Variants in LPCAT1 observed in about 807,000 individuals in gnomAD.
The protein encoded by LPCAT1 is lysophosphatidylcholine acyltransferase 1.
In LPCAT1, 23 loss-of-function variants were observed where a neutral mutation model predicts 60.9. The observed-to-expected ratio is 0.38, with a 90% CI of 0.27 to 0.53. The LOEUF (loss-of-function observed/expected upper bound fraction) is 0.53, where lower values mean the gene tolerates loss of function less well. Among genes scored for constraint, LPCAT1 ranks in the 20% least tolerant of loss-of-function variants. The pLI, the probability that LPCAT1 is intolerant of heterozygous loss-of-function variation, is 0.82. For synonymous variants in LPCAT1, 340 were observed against 301.1 expected (o/e 1.13, Z -1.34); for missense variants, 622 against 723.6 (o/e 0.86, Z 1.61).
At chr5:1,472,915 G>C (rs1040446760) in intron 11 of LPCAT1, among the ~76,000 whole-genome samples, 7 of 152,144 alleles carry the variant, frequency 4.6e-5, no homozygotes, top group Admixed American at 3.3e-4. Context: ...CCTGAGCCAC[G>C]CACTGTGATC....
intron 1 of LPCAT1, among the ~76,000 whole-genome samples, chr5:1,519,454 C>T (rs913364948): frequency 1.3e-5 from 2 of 152,188 alleles, no homozygotes; most frequent in Non-Finnish European, 2.9e-5. Flanking sequence ...CAAAGTTAAC[C>T]ACAACTAAGT....
At position 1,487,380 on chromosome 5, in the gene LPCAT1, G is replaced by A. The variant is rs138213150; in HGVS notation, c.667+1011C>T. On this transcript the variant is annotated intron_variant, in intron 5 of 13. Coordinates refer to ENST00000283415, the MANE Select transcript of LPCAT1 (RefSeq NM_024830.5). This position sits in a 1 kb window ranked among gnomAD's most constrained non-coding sequence, Gnocchi z 6.1. ...CCACGCGTGGTGAAGACAATGGAACGGGAAGACCCAGTACCTTCCAGTGAG... is the reference window on the plus strand; with the variant it reads ...CCACGCGTGGTGAAGACAATGGAACAGGAAGACCCAGTACCTTCCAGTGAG... Among the ~76,000 whole-genome samples the A allele has an allele frequency of 2.0e-5, 3 of 152,170 alleles. No individual in the cohort carries two copies. The highest frequency in any genetic ancestry group is 7.2e-5 in the African/African-American group (3 of 41,432).
intron 2 of LPCAT1, among the ~76,000 whole-genome samples, chr5:1,500,325 G>A (rs1277782453): frequency 6.6e-6 from 1 of 152,212 alleles, no homozygotes; most frequent in Non-Finnish European, 1.5e-5. Context: ...ATTTGCTAAT[G>A]GCAGATACTT....
At chr5:1,468,948 C>T (rs1371253912) in intron 12 of LPCAT1, among the ~76,000 whole-genome samples, 1 of 152,212 alleles carries the variant, frequency 6.6e-6, no homozygotes, top group Non-Finnish European at 1.5e-5. Context: ...GCCAGGCTCC[C>T]AGAGCAGCAG....
chr5:1,488,504 T>C, intron 4 of LPCAT1, 53 bp from the exon 5 acceptor site: 1 of 1,249,052 alleles, frequency 8.0e-7, no homozygotes, highest in African/African-American at 1.5e-5. Flanking sequence ...TAATTATAAT[T>C]CAGAACTTAC....
chr5:1,521,384 G>A lies in LPCAT1; in HGVS notation c.135+2326C>T, dbSNP rs566801894. The A allele has an allele frequency of 9.7e-5, 96 of 985,386 alleles. No homozygotes were observed. The highest frequency in any genetic ancestry group is 6.1e-4 in the African/African-American group (35 of 57,324). 61.0% of individuals were successfully genotyped at this position (985,386 alleles called of 1,614,324 possible). ...ACTGGGAACTTAGCTGGGTTTCTGC[G>A]GGTTCTTGAGTGTGTCAGCCACTAC... On this transcript the variant is annotated intron_variant, in intron 1 of 13. Transcript: ENST00000283415. This position sits in a 1 kb window ranked among gnomAD's most constrained non-coding sequence, Gnocchi z 4.3.
rs986721742 is a variant in LPCAT1, at chr5:1,470,982, C to G, written c.1180-58G>C. The G allele has an allele frequency of 3.5e-6, 5 of 1,411,868 alleles. No individual in the cohort carries two copies. In the East Asian group the frequency reaches 1.1e-4, roughly 32 times the overall value. 87.5% of individuals were successfully genotyped at this position (1,411,868 alleles called of 1,614,324 possible). On this transcript the variant is annotated intron_variant, in intron 11 of 13. Coordinates refer to ENST00000283415, the MANE Select transcript of LPCAT1 (RefSeq NM_024830.5). ...GCCGCCTTCGGCACTGGAGAAACGC[C>G]AGGGTTTCCCATGGGTGCTGGTGTT...
intron 1 of LPCAT1, among the ~76,000 whole-genome samples, chr5:1,503,341 C>T (rs1736084229): frequency 6.6e-6 from 1 of 152,184 alleles, no homozygotes; most frequent in Non-Finnish European, 1.5e-5. Flanking sequence ...GCTGAGAAAC[C>T]TTCCCAGGCC....
In LPCAT1 at chr5:1,474,422, A is replaced by G. The variant is rs1175461874; in HGVS notation, c.1025+138T>C. 3.3e-6 allele frequency: 4 copies of G among 1,212,202 alleles called. No individual in the cohort carries two copies. The African/African-American group carries it at 4.6e-5, about 14-fold the overall frequency. The allele number at this position is 1,212,202 out of a possible 1,614,324, so 75.1% of individuals were successfully genotyped here. ...GGATTGAAAGACACTATGTGGGCTT[A>G]AGTTGATATTTGAAAAAAGCCAGAA... On this transcript the variant is annotated intron_variant, in intron 10 of 13. Coordinates refer to ENST00000283415, the MANE Select transcript of LPCAT1 (RefSeq NM_024830.5).
chr5:1,511,419 C>T (rs1736353166), intron 1 of LPCAT1, among the ~76,000 whole-genome samples: 1 of 151,600 alleles, frequency 6.6e-6, no homozygotes, highest in Non-Finnish European at 1.5e-5. Flanking sequence ...CATGGGGATG[C>T]ACCTGCTCAC....
chr5:1,507,372 G>A (rs1736219105), intron 1 of LPCAT1, among the ~76,000 whole-genome samples: 1 of 152,236 alleles, frequency 6.6e-6, no homozygotes. Flanking sequence ...ATCCTAATGA[G>A]GAACTTTGTC....
intron 11 of LPCAT1, 111 bp downstream of exon 11, chr5:1,473,846 C>A (rs972101737): frequency 7.3e-7 from 1 of 1,378,614 alleles, no homozygotes; most frequent in Non-Finnish European, 9.8e-7. Flanking sequence ...GGTTTTCCTT[C>A]TCTGCTTTCA....
chr5:1,512,687 G>A (rs1736392782), intron 1 of LPCAT1, among the ~76,000 whole-genome samples: 1 of 152,222 alleles, frequency 6.6e-6, no homozygotes, highest in African/African-American at 2.4e-5. Flanking sequence ...CCATCGGGGG[G>A]CTCTGCTGTC....
intron 5 of LPCAT1, among the ~76,000 whole-genome samples, chr5:1,484,051 C>T (rs1229120181): frequency 2.0e-5 from 3 of 152,358 alleles, no homozygotes; most frequent in South Asian, 4.1e-4. Flanking sequence ...GCCTCGGGGC[C>T]CCACCCGCCG....
chr5:1,486,998 C>T lies in LPCAT1; in HGVS notation c.667+1393G>A, dbSNP rs949966892. ...GTTTCGTGATATGCGTTGAGAGGTGCTCACACGCCCTCCTCACGTCTACAC... is the reference window on the plus strand; with the variant it reads ...GTTTCGTGATATGCGTTGAGAGGTGTTCACACGCCCTCCTCACGTCTACAC... On this transcript the variant is annotated intron_variant, in intron 5 of 13. Coordinates refer to ENST00000283415, the MANE Select transcript of LPCAT1 (RefSeq NM_024830.5). Among the ~76,000 whole-genome samples, 5 of 152,128 alleles carry T rather than the reference C, an allele frequency of 3.3e-5. No individual in the cohort carries two copies. The East Asian group carries it at 9.7e-4, about 29-fold the overall frequency.
At chr5:1,490,996 T>C (rs1348857103) in intron 3 of LPCAT1, among the ~76,000 whole-genome samples, 1 of 152,060 alleles carries the variant, frequency 6.6e-6, no homozygotes, top group Non-Finnish European at 1.5e-5. Context: ...TTTTTATTAC[T>C]TGTAAGGAGT....
chr5:1,501,785 C>T (rs1022446397), intron 1 of LPCAT1, among the ~76,000 whole-genome samples, 182 bp from the exon 2 acceptor site: 10 of 152,078 alleles, frequency 6.6e-5, no homozygotes, highest in African/African-American at 1.2e-4. Flanking sequence ...CAAGGCTGAC[C>T]GAGGCTGACC....
chr5:1,494,844 C>G lies in LPCAT1; in HGVS notation c.349G>C (p.Val117Leu). 6.2e-7 allele frequency: 1 copy of G among 1,613,382 alleles called. No individual in the cohort carries two copies. Among genetic ancestry groups the G allele is most frequent in the Non-Finnish European group, 8.5e-7 (1 of 1,179,730 alleles). The change falls in exon 3 of 14, where the codon GTG (valine) becomes CTG (leucine). Residue 117 changes from valine (V) to leucine (L), a missense_variant. Val to Leu is a conservative substitution (Grantham distance 32). Coordinates refer to ENST00000283415, the MANE Select transcript of LPCAT1 (RefSeq NM_024830.5). ...GTGGGCAGCGCCTGCCGCCCCTTCA[C>G]GGCCACCCGGTGGAAGCCGCCGGCG... ...WFAGGFHRVA[V>L]KGRQALPTEA...
intron 1 of LPCAT1, among the ~76,000 whole-genome samples, chr5:1,503,814 C>T (rs1050998829): frequency 4.6e-5 from 7 of 152,130 alleles, no homozygotes; most frequent in Non-Finnish European, 8.8e-5. Context: ...TTTTCCCTCC[C>T]GCTACCAAGG....
Sources: gnomAD v4.1 joint callset for allele counts (sites outside exome capture counted in the v4.1 genomes callset) on GRCh38, gnomAD v4.1.1 for gene constraint, Gnocchi (gnomAD v3.1) non-coding constraint, MANE v1.5 for transcripts, NCBI Gene and HGNC (gene_info 2026-07-23, HGNC 2026-07-21) for gene names.